Variants in CNTN6 observed in about 807,000 individuals in gnomAD.
CNTN6 encodes the protein contactin-6.
CNTN6 carries 137 observed loss-of-function variants against 122.8 expected under a neutral mutation model. That is an observed-to-expected ratio of 1.12 (90% CI 0.97 to 1.29). The LOEUF (loss-of-function observed/expected upper bound fraction) is 1.29, where lower values mean the gene tolerates loss of function less well. Ranked by LOEUF, CNTN6 falls within the 50% of genes most tolerant of loss-of-function variation. The pLI is 0.00. For missense variants in CNTN6, 1,634 were observed against 1,223.4 expected (o/e 1.34, Z -5.01); for synonymous variants, 570 against 426.0 (o/e 1.34, Z -4.16).
At chr3:1,265,555 T>C (rs79775345) in intron 4 of CNTN6, among the ~76,000 whole-genome samples, 2,586 of 152,342 alleles carry the variant, frequency 0.017, 38 homozygotes, top group Admixed American at 0.047. Context: ...AAAATGTTTG[T>C]AGACATTTAG....
At chr3:1,272,394 A>T (rs998178322) in intron 4 of CNTN6, among the ~76,000 whole-genome samples, 2 of 152,174 alleles carry the variant, frequency 1.3e-5, no homozygotes, top group African/African-American at 4.8e-5. Flanking sequence ...TGAGGATTAC[A>T]GGTGGTTCTG....
intron 4 of CNTN6, among the ~76,000 whole-genome samples, chr3:1,251,056 T>C (rs1280135420): frequency 2.6e-5 from 4 of 152,198 alleles, no homozygotes; most frequent in African/African-American, 7.2e-5. Flanking sequence ...ATTTTACCTA[T>C]TAGCTCACTG....
At chr3:1,382,521 T>C (rs535083680) in intron 17 of CNTN6, among the ~76,000 whole-genome samples, 1 of 152,320 alleles carries the variant, frequency 6.6e-6, no homozygotes, top group South Asian at 2.1e-4. Flanking sequence ...TACACATGTC[T>C]TACAAAAACT....
At chr3:1,401,160 C>G (rs1034921775) in intron 20 of CNTN6, 3 of 331,546 alleles carry the variant, frequency 9.0e-6, no homozygotes, top group Admixed American at 1.0e-4. Context: ...ATAAAGTAAA[C>G]AAACTCAACA....
chr3:1,326,028 C>T (rs1364932676), intron 9 of CNTN6, 77 bp downstream of exon 9: 4 of 1,245,062 alleles, frequency 3.2e-6, no homozygotes, highest in Admixed American at 4.4e-5. Flanking sequence ...TAGTAACTAA[C>T]AGAAACAGCT....
At chr3:1,213,585 A>C (rs1406535585) in intron 2 of CNTN6, among the ~76,000 whole-genome samples, 1 of 151,934 alleles carries the variant, frequency 6.6e-6, no homozygotes, top group East Asian at 1.9e-4. Flanking sequence ...TCTAAAAATA[A>C]AAATTATTAA....
chr3:1,345,672 G>A (rs1045564866), intron 11 of CNTN6, among the ~76,000 whole-genome samples: 3 of 152,002 alleles, frequency 2.0e-5, no homozygotes, highest in Admixed American at 6.6e-5. Flanking sequence ...ACAGATTCCG[G>A]TGGGACATTT....
Position 1,204,787 on chromosome 3 carries a change from C to T in CNTN6, c.56-15900C>T, listed in dbSNP as rs78796637. On this transcript the variant is annotated intron_variant, in intron 2 of 22. Coordinates refer to ENST00000446702, the MANE Select transcript of CNTN6 (RefSeq NM_001289080.2). ...CGGTTACTCTCTAACATATATAACT[C>T]TTAACATGTGTAACTAATATAACTC... Among the ~76,000 whole-genome samples, 37 of 152,192 alleles carry T rather than the reference C, an allele frequency of 2.4e-4. No homozygotes were observed. In the East Asian group the frequency reaches 7.0e-3, roughly 29 times the overall value.
chr3:1,139,872 G>T (rs903659164), intron 1 of CNTN6, among the ~76,000 whole-genome samples: 11 of 152,188 alleles, frequency 7.2e-5, no homozygotes, highest in Non-Finnish European at 5.9e-5. Context: ...AAACATGGCT[G>T]CTGGGATTGG....
intron 2 of CNTN6, among the ~76,000 whole-genome samples, chr3:1,153,150 A>G (rs971869271): frequency 4.6e-5 from 7 of 152,208 alleles, no homozygotes; most frequent in Admixed American, 1.3e-4. Context: ...TTACGGACTG[A>G]ATACCTATTT....
chr3:1,359,900 TG>T (rs1707202562), intron 12 of CNTN6, among the ~76,000 whole-genome samples: 2 of 152,044 alleles, frequency 1.3e-5, no homozygotes, highest in Admixed American at 1.3e-4. Flanking sequence ...TTTGTTCGTT[TG>T]CTTAGTTTTC....
chr3:1,096,997 T>A (rs945529025), intron 1 of CNTN6, among the ~76,000 whole-genome samples: 1 of 152,238 alleles, frequency 6.6e-6, no homozygotes, highest in African/African-American at 2.4e-5. Context: ...TAAATAGCAA[T>A]CTTTCAGTTT....
chr3:1,113,090 C>A (rs770775400), intron 1 of CNTN6, among the ~76,000 whole-genome samples: 16 of 152,166 alleles, frequency 1.1e-4, no homozygotes, highest in Middle Eastern at 6.8e-3. Context: ...CAGGCTCTGA[C>A]GTCTCTTGAG....
chr3:1,235,515 A>T (rs2094409909), intron 4 of CNTN6, among the ~76,000 whole-genome samples: 1 of 151,992 alleles, frequency 6.6e-6, no homozygotes, highest in African/African-American at 2.4e-5. Flanking sequence ...ATCTGAATTT[A>T]TATCCAATAT....
intron 10 of CNTN6, among the ~76,000 whole-genome samples, chr3:1,329,166 TAATA>T (rs772467228): frequency 4.3e-4 from 65 of 151,322 alleles, no homozygotes; most frequent in African/African-American, 1.2e-3. Flanking sequence ...TATACATATA[TAATA>T]AATCAGAAAC....
chr3:1,279,383 A>AAC, intron 5 of CNTN6, among the ~76,000 whole-genome samples: 2 of 151,614 alleles, frequency 1.3e-5, no homozygotes, highest in African/African-American at 4.9e-5. Context: ...ATATCACACT[A>AAC]TATTATAGAA....
chr3:1,246,950 T>G (rs2094590561), intron 4 of CNTN6, among the ~76,000 whole-genome samples: 1 of 152,200 alleles, frequency 6.6e-6, no homozygotes, highest in Non-Finnish European at 1.5e-5. Context: ...AGGAAACCGC[T>G]TCTACTGTGT....
chr3:1,326,967 C>T (rs1701627729), intron 9 of CNTN6, among the ~76,000 whole-genome samples: 1 of 151,864 alleles, frequency 6.6e-6, no homozygotes, highest in Admixed American at 6.6e-5. Flanking sequence ...TGTTTAGGCA[C>T]ACTTTATAGT....
intron 2 of CNTN6, among the ~76,000 whole-genome samples, chr3:1,202,411 G>A (rs1354079428): frequency 6.6e-6 from 1 of 151,394 alleles, no homozygotes; most frequent in East Asian, 1.9e-4. Flanking sequence ...GTGGTGGCGG[G>A]CGCCTGTAGT....
Sources: gnomAD v4.1 joint callset for allele counts (sites outside exome capture counted in the v4.1 genomes callset) on GRCh38, gnomAD v4.1.1 for gene constraint, MANE v1.5 for transcripts, NCBI Gene and HGNC (gene_info 2026-07-23, HGNC 2026-07-21) for gene names.